ADGRL2: variants seen among roughly 807,000 people sequenced by gnomAD.
The protein encoded by ADGRL2 is adhesion G protein-coupled receptor L2.
In ADGRL2, 44 loss-of-function variants were observed where a neutral mutation model predicts 157.4. The observed-to-expected ratio is 0.28, with a 90% CI of 0.22 to 0.36. The LOEUF (loss-of-function observed/expected upper bound fraction) is 0.36. Ranked by LOEUF, ADGRL2 falls within the 10% of genes least tolerant of loss-of-function variation. The pLI is 1.00. For missense variants in ADGRL2, 1,510 were observed against 1,768.9 expected, an observed-to-expected ratio of 0.85 and a Z score of 2.63; for synonymous variants, 585 against 624.7, an observed-to-expected ratio of 0.94 and a Z score of 0.95.
intron 3 of ADGRL2, among the ~76,000 whole-genome samples, chr1:81,688,959 G>A (rs1362362367): frequency 3.3e-5 from 5 of 152,212 alleles, no homozygotes; most frequent in South Asian, 4.2e-4. Context: ...TAGCCACCCA[G>A]CAAGTCTACC....
At chr1:81,438,537 A>C (rs2077451333) in intron 1 of ADGRL2, among the ~76,000 whole-genome samples, 1 of 152,180 alleles carries the variant, frequency 6.6e-6, no homozygotes, top group South Asian at 2.1e-4. Flanking sequence ...ATTAGCACCC[A>C]ATATGGTGAA....
intron 1 of ADGRL2, among the ~76,000 whole-genome samples, chr1:81,362,427 A>G (rs2075994751): frequency 6.6e-6 from 1 of 151,738 alleles, no homozygotes; most frequent in Non-Finnish European, 1.5e-5. Flanking sequence ...GAAAGCTCAT[A>G]GTTGGAAATG....
At chr1:81,692,023 A>G (rs1262243028) in intron 3 of ADGRL2, among the ~76,000 whole-genome samples, 1 of 151,014 alleles carries the variant, frequency 6.6e-6, no homozygotes, top group Non-Finnish European at 1.5e-5. Context: ...TACAGTATAT[A>G]TGATATATAT....
At chr1:81,935,068 A>G (rs1292682142) in intron 3 of ADGRL2, among the ~76,000 whole-genome samples, 1 of 151,978 alleles carries the variant, frequency 6.6e-6, no homozygotes, top group Non-Finnish European at 1.5e-5. Flanking sequence ...TTATTGACCT[A>G]TTGAGAAACT....
In ADGRL2 at chr1:81,400,584, G is replaced by A. The variant is rs1433343433; in HGVS notation, c.-301-44452G>A. Among the ~76,000 whole-genome samples, 5 of 152,140 alleles carry A rather than the reference G, an allele frequency of 3.3e-5. No individual in the cohort carries two copies. In the East Asian group the frequency reaches 9.7e-4, roughly 29 times the overall value. On this transcript the variant is annotated intron_variant, in intron 1 of 24. Coordinates refer to the ADGRL2 transcript ENST00000370721. Reference sequence around the variant, plus strand: ...TGAGAACCTGAGCCAATAAGTCTCAGTGGCAGTGTGGGTCACAGGGGATGA... The same window carrying A: ...TGAGAACCTGAGCCAATAAGTCTCAATGGCAGTGTGGGTCACAGGGGATGA...
At chr1:81,735,564 C>A (rs2084867060) in intron 1 of ADGRL2, among the ~76,000 whole-genome samples, 1 of 151,010 alleles carries the variant, frequency 6.6e-6, no homozygotes, top group Admixed American at 6.6e-5. Context: ...CTGAGGCAGG[C>A]AGATCACTTG....
chr1:81,415,983 G>A (rs1039954969), intron 1 of ADGRL2, among the ~76,000 whole-genome samples: 4 of 151,972 alleles, frequency 2.6e-5, no homozygotes, highest in Non-Finnish European at 4.4e-5. Context: ...TGGGACTACA[G>A]GCGCCCGCCA....
At chr1:81,720,189 T>TC (rs1167401189) in intron 1 of ADGRL2, among the ~76,000 whole-genome samples, 1 of 150,070 alleles carries the variant, frequency 6.7e-6, no homozygotes, top group Non-Finnish European at 1.5e-5. Flanking sequence ...CTTTTCTTTT[T>TC]TTTTTTTTTT....
At chr1:81,615,579 G>C (rs747842832) in intron 3 of ADGRL2, among the ~76,000 whole-genome samples, 3 of 152,184 alleles carry the variant, frequency 2.0e-5, no homozygotes, top group Non-Finnish European at 4.4e-5. Flanking sequence ...TTTAAGAACT[G>C]TAACACTCAC....
At chr1:81,322,614 G>A (rs1017450975) in intron 1 of ADGRL2, among the ~76,000 whole-genome samples, 2 of 152,004 alleles carry the variant, frequency 1.3e-5, no homozygotes, top group Non-Finnish European at 2.9e-5. Context: ...TGGAAAGAAT[G>A]ATCTCATTAC....
chr1:81,372,700 TA>T (rs1489841354), intron 1 of ADGRL2, among the ~76,000 whole-genome samples: 2 of 152,328 alleles, frequency 1.3e-5, no homozygotes, highest in Admixed American at 6.5e-5. Context: ...TGTCATCTGT[TA>T]AAATAATGTA....
At chr1:81,980,965 T>C (rs989574947) in intron 18 of ADGRL2, 1 of 471,148 alleles carries the variant, frequency 2.1e-6, no homozygotes, top group Non-Finnish European at 3.9e-6. Flanking sequence ...ATAGTATTTT[T>C]AAACTATAAT....
chr1:81,641,749 C>A (rs923598284), intron 3 of ADGRL2, among the ~76,000 whole-genome samples: 1 of 152,030 alleles, frequency 6.6e-6, no homozygotes, highest in African/African-American at 2.4e-5. Context: ...AAATAAATCA[C>A]CTAAGCTTCT....
chr1:81,932,137 T>A (rs1321665142), intron 3 of ADGRL2, among the ~76,000 whole-genome samples: 1 of 152,222 alleles, frequency 6.6e-6, no homozygotes. Flanking sequence ...TTCTGTTATT[T>A]TTAATGACAT....
intron 2 of ADGRL2, among the ~76,000 whole-genome samples, chr1:81,775,074 A>T (rs1386515044): frequency 6.6e-6 from 1 of 152,190 alleles, no homozygotes; most frequent in Admixed American, 6.5e-5. Context: ...ATCGATATAA[A>T]TTGTGTGGTA....
chr1:81,732,454 A>T (rs1301582752), intron 1 of ADGRL2, among the ~76,000 whole-genome samples: 1 of 152,196 alleles, frequency 6.6e-6, no homozygotes, highest in Non-Finnish European at 1.5e-5. Context: ...ATATTATTTA[A>T]TGCCAGCACA....
chr1:81,459,365 C>T (rs984813298), intron 2 of ADGRL2, among the ~76,000 whole-genome samples: 4 of 152,144 alleles, frequency 2.6e-5, no homozygotes, highest in African/African-American at 9.7e-5. Context: ...CACCATTCTA[C>T]CCTGCATCTG....
intron 3 of ADGRL2, among the ~76,000 whole-genome samples, chr1:81,631,623 G>A (rs1056498377): frequency 1.3e-5 from 2 of 152,194 alleles, no homozygotes; most frequent in African/African-American, 2.4e-5. Context: ...TTTCTGGTAT[G>A]AGGTGCAATG....
intron 2 of ADGRL2, among the ~76,000 whole-genome samples, chr1:81,462,857 A>G (rs745365091): frequency 2.6e-5 from 4 of 152,086 alleles, no homozygotes; most frequent in Admixed American, 2.0e-4. Flanking sequence ...GCTCATGCCT[A>G]TAATCCCAGC....
Sources: gnomAD v4.1 joint callset for allele counts (sites outside exome capture counted in the v4.1 genomes callset) on GRCh38, gnomAD v4.1.1 for gene constraint, MANE v1.5 for transcripts, NCBI Gene and HGNC (gene_info 2026-07-23, HGNC 2026-07-21) for gene names.